The following FLT3 variants were observed in gnomAD, a reference collection of about 807,000 sequenced individuals.
FLT3 encodes fms related receptor tyrosine kinase 3, also known as receptor-type tyrosine-protein kinase FLT3.
In FLT3, 46 loss-of-function variants were observed where a neutral mutation model predicts 126.6. That is an observed-to-expected ratio of 0.36 (90% CI 0.29 to 0.46). FLT3 has a LOEUF of 0.46. Among genes scored for constraint, FLT3 ranks in the 20% least tolerant of loss-of-function variants. FLT3 has a pLI of 1.00. For synonymous variants in FLT3, 404 were observed against 434.4 expected (o/e 0.93, Z 0.87); for missense variants, 1,069 against 1,190.3 (o/e 0.90, Z 1.50).
Position 28,052,638 on chromosome 13 carries a change from C to G in FLT3, c.521G>C (p.Arg174Thr), listed in dbSNP as rs1875625274. ...CAGGGCGTCCTGGTTTTCCATTTTT[C>G]TAAAGTAAGGTCTTCTTAATGTGTA... ...LLYTLRRPYFRKMENQDALVC... is the reference protein window; with the variant it reads ...LLYTLRRPYFTKMENQDALVC... Residue 174 changes from arginine (R) to threonine (T), a missense_variant, in exon 5 of 24, where the codon AGA (arginine) becomes ACA (threonine). Arg to Thr is a moderately conservative substitution (Grantham distance 71). Coordinates refer to ENST00000241453, the MANE Select transcript of FLT3 (RefSeq NM_004119.3). 1 of 1,611,724 alleles carries G rather than the reference C, an allele frequency of 6.2e-7. No homozygotes were observed. The highest frequency in any genetic ancestry group is 8.5e-7 in the Non-Finnish European group (1 of 1,177,914).
chr13:28,010,978 G>A (rs1187847120), intron 23 of FLT3, among the ~76,000 whole-genome samples: 1 of 151,726 alleles, frequency 6.6e-6, no homozygotes, highest in Admixed American at 6.6e-5. Flanking sequence ...ACTCCAGCCT[G>A]GGTGACGGAG....
intron 2 of FLT3, among the ~76,000 whole-genome samples, chr13:28,066,789 G>A (rs1031884020): frequency 1.1e-4 from 16 of 152,118 alleles, no homozygotes; most frequent in Admixed American, 8.5e-4. Context: ...CATAATAATC[G>A]TAGGCAAGAT....
intron 19 of FLT3, 61 bp from the exon 20 acceptor site, chr13:28,018,650 T>C (rs2137624982): frequency 6.3e-7 from 1 of 1,577,800 alleles, no homozygotes; most frequent in Non-Finnish European, 8.7e-7. Context: ...GAGTGCAATC[T>C]TTCTTCTAGA....
At chr13:28,070,722 GC>G in intron 1 of FLT3, 110 bp from the exon 2 acceptor site, 1 of 810,988 alleles carries the variant, frequency 1.2e-6, no homozygotes, top group Non-Finnish European at 1.9e-6. Context: ...GAGGAAATTG[GC>G]CACTATGAAA....
rs1407840345 is a variant in FLT3, at chr13:28,005,780, C to T, written c.2860-1606G>A. On this transcript the variant is annotated intron_variant, in intron 23 of 23. Transcript: ENST00000241453. ...AACGGTGCCTGGAAACTATATTTTC[C>T]AGAGCCTTCTGAACAATGGGTATGT... Among the ~76,000 whole-genome samples the T allele has an allele frequency of 2.0e-5, 3 of 152,196 alleles. No homozygotes were observed. In the East Asian group the frequency reaches 5.8e-4, roughly 29 times the overall value.
At chr13:28,089,513 A>G (rs1037731602) in intron 1 of FLT3, among the ~76,000 whole-genome samples, 2 of 152,128 alleles carry the variant, frequency 1.3e-5, no homozygotes, top group Non-Finnish European at 2.9e-5. Flanking sequence ...ATACAATAGG[A>G]TACTACTCAG....
intron 1 of FLT3, among the ~76,000 whole-genome samples, chr13:28,093,914 G>A (rs1354176247): frequency 6.6e-6 from 1 of 152,042 alleles, no homozygotes; most frequent in Admixed American, 6.5e-5. Context: ...AAGGAGGAAG[G>A]GTGGGAAGGA....
chr13:28,062,201 A>G, intron 2 of FLT3, 132 bp from the exon 3 acceptor site: 1 of 640,672 alleles, frequency 1.6e-6, no homozygotes, highest in East Asian at 2.7e-5. Context: ...GCTGGAACCC[A>G]CTGAGAACAC....
intron 23 of FLT3, among the ~76,000 whole-genome samples, chr13:28,012,127 C>A (rs1871444593): frequency 6.6e-6 from 1 of 152,120 alleles, no homozygotes; most frequent in African/African-American, 2.4e-5. Flanking sequence ...CTTAAAGGAG[C>A]TACCATTTTC....
chr13:28,090,373 C>G (rs974390249), intron 1 of FLT3, among the ~76,000 whole-genome samples: 1 of 152,146 alleles, frequency 6.6e-6, no homozygotes, highest in African/African-American at 2.4e-5. Flanking sequence ...ATGTCTATAT[C>G]TTGGTAGTGG....
intron 1 of FLT3, among the ~76,000 whole-genome samples, chr13:28,078,863 G>A (rs1297420263): frequency 1.3e-5 from 2 of 151,994 alleles, no homozygotes; most frequent in African/African-American, 2.4e-5. Context: ...AAAGGTGCAC[G>A]CCATCATGCC....
chr13:28,085,230 G>A (rs193255389), intron 1 of FLT3, among the ~76,000 whole-genome samples: 2 of 150,690 alleles, frequency 1.3e-5, no homozygotes, highest in Non-Finnish European at 2.9e-5. Flanking sequence ...TATAGTTCCA[G>A]CTACTCGGGA....
chr13:28,041,683 T>A (rs761772609), intron 9 of FLT3, among the ~76,000 whole-genome samples: 1 of 152,196 alleles, frequency 6.6e-6, no homozygotes, highest in Non-Finnish European at 1.5e-5. Flanking sequence ...CCTGACCCCA[T>A]GGGAATTCCA....
intron 19 of FLT3, among the ~76,000 whole-genome samples, chr13:28,020,345 T>A (rs965462076): frequency 2.6e-4 from 39 of 152,168 alleles, no homozygotes; most frequent in African/African-American, 8.4e-4. Flanking sequence ...TTAAACTTTT[T>A]AAAATTTTTT....
chr13:28,056,288 G>T (rs1013722501), intron 4 of FLT3, among the ~76,000 whole-genome samples: 1 of 152,172 alleles, frequency 6.6e-6, no homozygotes, highest in African/African-American at 2.4e-5. Flanking sequence ...AGATGAAACA[G>T]GCAGAAGATC....
intron 1 of FLT3, among the ~76,000 whole-genome samples, chr13:28,079,129 C>T (rs185875002): frequency 1.8e-4 from 27 of 152,306 alleles, no homozygotes; most frequent in African/African-American, 5.3e-4. Flanking sequence ...GAATGTGTTG[C>T]TGCTTAGAAA....
intron 1 of FLT3, among the ~76,000 whole-genome samples, chr13:28,073,088 C>T (rs147179384): frequency 2.6e-4 from 40 of 152,010 alleles, no homozygotes; most frequent in Non-Finnish European, 5.1e-4. Flanking sequence ...TGTCTGTAAT[C>T]CCAGCACTTT....
At position 28,004,083 on chromosome 13, in the gene FLT3, A is replaced by G; in HGVS notation, c.2951T>C (p.Leu984Pro). ...PFSREMDLGLLSPQAQVEDS is the reference protein window; with the variant it reads ...PFSREMDLGLPSPQAQVEDS ...ATCTTCGACCTGAGCCTGCGGAGAGAGTAGCCCCAAATCCATCTCTCTGCT... is the reference window on the plus strand; with the variant it reads ...ATCTTCGACCTGAGCCTGCGGAGAGGGTAGCCCCAAATCCATCTCTCTGCT... Residue 984 changes from leucine (L) to proline (P), a missense_variant, in exon 24 of 24, where the codon CTC becomes CCC. Leu to Pro is a moderately conservative substitution (Grantham distance 98). Transcript: ENST00000241453. The G allele has an allele frequency of 1.9e-6, 3 of 1,614,112 alleles. No individual in the cohort carries two copies. The highest frequency in any genetic ancestry group is 1.7e-6 in the Non-Finnish European group (2 of 1,180,034).
At chr13:28,017,985 T>G (rs974112323) in intron 20 of FLT3, among the ~76,000 whole-genome samples, 11 of 152,328 alleles carry the variant, frequency 7.2e-5, no homozygotes, top group African/African-American at 2.6e-4. Flanking sequence ...GTTTTAGATC[T>G]TCCTGTGTTA....
Sources: allele counts gnomAD v4.1 joint callset (sites outside exome capture counted in the v4.1 genomes callset), GRCh38; gene constraint gnomAD v4.1.1; transcripts MANE v1.5; gene names NCBI Gene and HGNC (gene_info 2026-07-23, HGNC 2026-07-21).